Variants in ZFHX3 observed in about 807,000 individuals in gnomAD.
ZFHX3 encodes zinc finger homeobox protein 3.
A neutral mutation model predicts 279.1 loss-of-function variants in ZFHX3; 42 were observed. The observed-to-expected ratio is 0.15, with a 90% CI of 0.12 to 0.19. The LOEUF (loss-of-function observed/expected upper bound fraction) is 0.19, where lower values mean the gene tolerates loss of function less well. Ranked by LOEUF, ZFHX3 falls within the 10% of genes least tolerant of loss-of-function variation. The probability of loss-of-function intolerance (pLI) is 1.00; values close to 1 mark genes in which losing one functional copy is unlikely to be tolerated. For missense variants in ZFHX3, 4,981 were observed against 4,754.0 expected, an observed-to-expected ratio of 1.05 and a Z score of -1.40; for synonymous variants, 2,293 against 1,957.8, an observed-to-expected ratio of 1.17 and a Z score of -4.52.
At chr16:73,715,798 TC>T (rs2053409012) in intron 1 of ZFHX3, among the ~76,000 whole-genome samples, 1 of 151,912 alleles carries the variant, frequency 6.6e-6, no homozygotes, top group South Asian at 2.1e-4. Flanking sequence ...GGTCTTGAAC[TC>T]CTGACGTCGT....
chr16:73,253,947 G>GT (rs1393063635), intron 5 of ZFHX3, among the ~76,000 whole-genome samples: 45 of 152,264 alleles, frequency 3.0e-4, no homozygotes. Flanking sequence ...ACTGGCCTTG[G>GT]AGGTGTCCAG....
chr16:73,127,574 T>C (rs1258361489), intron 7 of ZFHX3: 11 of 1,305,038 alleles, frequency 8.4e-6, no homozygotes, highest in Non-Finnish European at 1.1e-5. Flanking sequence ...CTGGGGCACT[T>C]GAGGACAGCC....
chr16:72,857,231 A>T lies in ZFHX3; in HGVS notation c.3449-27372T>A, dbSNP rs113293384. On this transcript the variant is annotated intron_variant, in intron 4 of 9. Transcript: ENST00000268489. ...AAGTCACTGAAAGAAAACCTAAACA[A>T]CAGAGCTAATTGGTTGGCAAGATGC... is the stretch of plus-strand genomic sequence containing the variant. Among the ~76,000 whole-genome samples, 20 of 152,334 alleles carry T rather than the reference A, an allele frequency of 1.3e-4. 1 individual carries two copies. Among genetic ancestry groups the T allele is most frequent in the African/African-American group, 4.8e-4 (20 of 41,566 alleles).
At chr16:73,664,432 G>A (rs569128329) in intron 2 of ZFHX3, among the ~76,000 whole-genome samples, 2 of 152,108 alleles carry the variant, frequency 1.3e-5, no homozygotes, top group African/African-American at 4.8e-5. Flanking sequence ...ACATATATTC[G>A]TTCTATGTAA....
At chr16:73,881,036 C>T (rs1381750789) in intron 1 of ZFHX3, among the ~76,000 whole-genome samples, 1 of 152,132 alleles carries the variant, frequency 6.6e-6, no homozygotes, top group African/African-American at 2.4e-5. Context: ...CAAAGTACTA[C>T]ATCCGCTCTT....
chr16:73,374,863 T>C (rs1476493634), intron 3 of ZFHX3, among the ~76,000 whole-genome samples: 3 of 152,220 alleles, frequency 2.0e-5, no homozygotes, highest in Non-Finnish European at 2.9e-5. Flanking sequence ...GGTAAATTGG[T>C]GATTAGATCC....
intron 4 of ZFHX3, among the ~76,000 whole-genome samples, chr16:73,274,312 G>A (rs1473474635): frequency 6.6e-6 from 1 of 152,030 alleles, no homozygotes; most frequent in Non-Finnish European, 1.5e-5. Flanking sequence ...TCTATGTTTT[G>A]CATTGCTTAT....
chr16:73,605,816 G>A (rs2052173334), intron 2 of ZFHX3, among the ~76,000 whole-genome samples: 1 of 151,884 alleles, frequency 6.6e-6, no homozygotes, highest in African/African-American at 2.4e-5. Flanking sequence ...TATCATATGG[G>A]TACTTATCAA....
At chr16:73,064,387 C>A (rs1362846152), upstream of ZFHX3, among the ~76,000 whole-genome samples, 2 of 152,122 alleles carry the variant, frequency 1.3e-5, no homozygotes, top group African/African-American at 4.8e-5. Flanking sequence ...CAGCTGAGGT[C>A]TGTCTTCTGA....
chr16:73,648,570 G>GT (rs2052642209), intron 2 of ZFHX3, among the ~76,000 whole-genome samples: 1 of 151,752 alleles, frequency 6.6e-6, no homozygotes. Context: ...TTGTTTGTTT[G>GT]TTTGTTTTGT....
intron 2 of ZFHX3, among the ~76,000 whole-genome samples, chr16:73,494,726 A>AT (rs368325532): frequency 5.3e-3 from 786 of 147,012 alleles, no homozygotes; most frequent in Non-Finnish European, 7.9e-3. Context: ...TGACCGGCTA[A>AT]TTTTTTTTTT....
chr16:73,358,340 C>T (rs918914410), intron 3 of ZFHX3, among the ~76,000 whole-genome samples: 87 of 152,234 alleles, frequency 5.7e-4, no homozygotes, highest in Non-Finnish European at 3.7e-4. Context: ...GGCCTCCATG[C>T]TCTCTCCTCC....
chr16:73,685,588 T>G (rs2053074258), intron 1 of ZFHX3, among the ~76,000 whole-genome samples: 1 of 152,324 alleles, frequency 6.6e-6, no homozygotes, highest in East Asian at 1.9e-4. Context: ...ATGATAGATT[T>G]GTGTTGTTTT....
chr16:73,811,787 G>T (rs1597126555), intron 1 of ZFHX3, among the ~76,000 whole-genome samples: 1 of 151,992 alleles, frequency 6.6e-6, no homozygotes, highest in Admixed American at 6.6e-5. Context: ...ATCTCATAAT[G>T]ACTTTGTTCT....
chr16:73,264,026 G>A (rs2013897116), intron 4 of ZFHX3, among the ~76,000 whole-genome samples: 1 of 152,152 alleles, frequency 6.6e-6, no homozygotes, highest in African/African-American at 2.4e-5. Context: ...AATCAGCCAG[G>A]CGTGGTGGCA....
chr16:73,093,109 A>G (rs1966109013), intron 8 of ZFHX3: 1 of 519,968 alleles, frequency 1.9e-6, no homozygotes. Flanking sequence ...GCAATGGATC[A>G]AAGAACTCTG....
At chr16:73,362,095 T>G (rs796832043) in intron 3 of ZFHX3, among the ~76,000 whole-genome samples, 1 of 151,972 alleles carries the variant, frequency 6.6e-6, no homozygotes, top group East Asian at 1.9e-4. Context: ...CAGCCAAGAA[T>G]GGTTTAGTTT....
intron 2 of ZFHX3, among the ~76,000 whole-genome samples, chr16:73,536,959 C>T (rs1019332661): frequency 1.1e-4 from 16 of 152,264 alleles, no homozygotes; most frequent in Non-Finnish European, 2.2e-4. Context: ...GAAAGAAACT[C>T]ACACAGTGAG....
At chr16:73,064,371 A>G (rs755336860), upstream of ZFHX3, among the ~76,000 whole-genome samples, 10 of 152,128 alleles carry the variant, frequency 6.6e-5, no homozygotes, top group Non-Finnish European at 1.5e-4. Context: ...CAGCTGGTCT[A>G]GAAGGCAGCT....
Sources: allele counts gnomAD v4.1 joint callset (sites outside exome capture counted in the v4.1 genomes callset), GRCh38; gene constraint gnomAD v4.1.1; transcripts MANE v1.5; gene names NCBI Gene and HGNC (gene_info 2026-07-23, HGNC 2026-07-21).